Variants in PDCD7 observed in about 807,000 individuals in gnomAD.
PDCD7 encodes the protein programmed cell death 7.
In PDCD7, 40 loss-of-function variants were observed where a neutral mutation model predicts 42.1. The ratio of observed to expected loss-of-function variants is 0.95; its 90% CI spans 0.74 to 1.24. The LOEUF (loss-of-function observed/expected upper bound fraction) is 1.24, where lower values mean the gene tolerates loss of function less well. Among genes scored for constraint, PDCD7 ranks in the 50% most tolerant of loss-of-function variants. PDCD7 has a pLI of 0.00. For missense variants in PDCD7, 644 were observed against 662.8 expected (o/e 0.97, Z 0.31); for synonymous variants, 299 against 303.3 (o/e 0.99, Z 0.15).
chr15:65,129,201 G>A (rs756798934), intron 1 of PDCD7, 31 bp from the exon 2 acceptor site: 5 of 1,610,362 alleles, frequency 3.1e-6, no homozygotes, highest in East Asian at 2.2e-5. Context: ...ATGAGACCTC[G>A]TATTAGGAAC....
intron 1 of PDCD7, among the ~76,000 whole-genome samples, chr15:65,132,529 C>T (rs1268671700): frequency 1.3e-5 from 2 of 152,120 alleles, no homozygotes; most frequent in African/African-American, 4.8e-5. Context: ...GGATTACAGG[C>T]GTGGGCCACC....
rs767033871 is a variant in PDCD7 at position 65,119,364 on chromosome 15, A to T, written c.1334+12T>A. On this transcript the variant is annotated intron_variant, in intron 4 of 4. Coordinates refer to ENST00000204549, the MANE Select transcript of PDCD7 (RefSeq NM_005707.2). ...TAAGAGAAAGACAACATGGAGAGCC[A>T]GCCCCTCTGACCTGATCTGGATGAG... is the stretch of plus-strand genomic sequence containing the variant. 6.3e-7 allele frequency: 1 copy of T among 1,599,422 alleles called. No individual in the cohort carries two copies. Among genetic ancestry groups the T allele is most frequent in the African/African-American group, 1.3e-5 (1 of 74,630 alleles).
rs958256890 is a variant in PDCD7, at chr15:65,133,026, C to T, written c.756G>A (p.Arg252=). The change falls in exon 1 of 5, where the codon AGG becomes AGA. Residue 252 remains arginine, a synonymous_variant. Transcript: ENST00000204549. ...VRRRRLRLRE[R]AREREAEREA... ...CCCGCTCGGCCTCGCGTTCCCGGGCCCTCTCGCGAAGCCGCAGCCGGCGGC... is the reference window on the plus strand; with the variant it reads ...CCCGCTCGGCCTCGCGTTCCCGGGCTCTCTCGCGAAGCCGCAGCCGGCGGC... 1.9e-6 allele frequency: 3 copies of T among 1,598,892 alleles called. No individual in the cohort carries two copies. The highest frequency in any genetic ancestry group is 1.3e-5 in the African/African-American group (1 of 74,830).
rs2087428170 is a variant in PDCD7 at position 65,118,783 on chromosome 15, G to T, written c.1392C>A (p.Pro464=). ...GGAGCGGGGGAAGGACCCATCCTTG[G>T]GGAACGAAGTTGCCTTTGGGATGAT... ...PSDHPKGNFV[P]QGWVLPPLPS... is the part of the protein sequence containing the mutation. Residue 464 remains proline, a synonymous_variant, in exon 5 of 5, where the codon CCC becomes CCA. Coordinates refer to ENST00000204549, the MANE Select transcript of PDCD7 (RefSeq NM_005707.2). The T allele has an allele frequency of 6.2e-7, 1 of 1,610,738 alleles. No homozygotes were observed. The highest frequency in any genetic ancestry group is 1.7e-5 in the Admixed American group (1 of 59,572).
At chr15:65,120,185 ACT>A (rs2087442079) in intron 2 of PDCD7, among the ~76,000 whole-genome samples, 2 of 150,746 alleles carry the variant, frequency 1.3e-5, no homozygotes, top group Admixed American at 6.6e-5. Flanking sequence ...ATAGGGTCTC[ACT>A]CTGTTGTGCA....
intron 2 of PDCD7, among the ~76,000 whole-genome samples, chr15:65,121,836 G>C (rs907026467): frequency 6.6e-6 from 1 of 152,146 alleles, no homozygotes; most frequent in African/African-American, 2.4e-5. Context: ...TTGTGCATGT[G>C]TGAAATGTTT....
intron 2 of PDCD7, among the ~76,000 whole-genome samples, chr15:65,124,846 G>A (rs11855621): frequency 0.022 from 3,362 of 152,112 alleles, 56 homozygotes; most frequent in African/African-American, 0.041. Flanking sequence ...CAACAGCCCC[G>A]TGCTCTGTGC....
Position 65,133,604 on chromosome 15 carries a change from G to C in PDCD7, c.178C>G (p.Leu60Val). The C allele has an allele frequency of 8.1e-7, 1 of 1,239,940 alleles. No individual in the cohort carries two copies. Among genetic ancestry groups the C allele is most frequent in the African/African-American group, 1.5e-5 (1 of 64,554 alleles). The allele number at this position is 1,239,940 out of a possible 1,614,324, so 76.8% of individuals were successfully genotyped here. A position where few individuals can be genotyped will look rare whatever the true frequency, so the allele number is the denominator to read the frequency against. The change falls in exon 1 of 5, where the codon CTG becomes GTG. Residue 60 changes from leucine to valine, a missense_variant. Transcript: ENST00000204549. ...GCGGAGGCTCGGGGCTGCAGAGCCAGCGGAGGCTGAAGGAAGGGGGCGGAG... is the reference window on the plus strand; with the variant it reads ...GCGGAGGCTCGGGGCTGCAGAGCCACCGGAGGCTGAAGGAAGGGGGCGGAG... ...GASAPFLQPP[L>V]ALQPRASAEA...
chr15:65,133,345 C>T lies in PDCD7; in HGVS notation c.437G>A (p.Trp146Ter). ...AALQRLRDRQ[W>*]LEAVFGTPRR... ...CGGGGTCCCGAACACCGCCTCCAGC[C>T]ACTGCCGGTCGCGCAGGCGTTGGAG... The change falls in exon 1 of 5, where the codon TGG (tryptophan) becomes TAG (stop). Residue 146 changes from tryptophan to a stop codon, truncating the protein, a stop_gained. Transcript: ENST00000204549. LOFTEE classifies it high-confidence loss of function. 8.0e-7 allele frequency: 1 copy of T among 1,252,278 alleles called. No homozygotes were observed. The highest frequency in any genetic ancestry group is 1.0e-6 in the Non-Finnish European group (1 of 1,000,314). The allele number at this position is 1,252,278 out of a possible 1,614,324, so 77.6% of individuals were successfully genotyped here.
At chr15:65,122,484 C>T (rs56266725) in intron 2 of PDCD7, among the ~76,000 whole-genome samples, 2,054 of 152,222 alleles carry the variant, frequency 0.013, 39 homozygotes, top group Non-Finnish European at 0.018. Context: ...TATAGTTCAA[C>T]GTTACATGTA....
rs189584261 is a variant in PDCD7 at position 65,122,859 on chromosome 15, G to A, written c.1010-2905C>T. Among the ~76,000 whole-genome samples, 586 of 151,920 alleles carry A rather than the reference G, an allele frequency of 3.9e-3. 2 individuals carry two copies. The highest frequency in any genetic ancestry group is 9.9e-3 in the Admixed American group (151 of 15,254). On this transcript the variant is annotated intron_variant, in intron 2 of 4. Coordinates refer to ENST00000204549, the MANE Select transcript of PDCD7 (RefSeq NM_005707.2). The stretch of plus-strand genomic sequence containing the variant: ...TCTACTAAAAATACAAAAATTAGCC[G>A]GGCGTGGTGGCAGGTGCCTGTAATC...
intron 1 of PDCD7, among the ~76,000 whole-genome samples, chr15:65,131,982 A>G (rs773150459): frequency 6.6e-6 from 1 of 151,860 alleles, no homozygotes; most frequent in Non-Finnish European, 1.5e-5. Context: ...GCTGTTATAA[A>G]GATTCAAAAT....
Position 65,118,429 on chromosome 15 carries a change from C to G in PDCD7, c.*288G>C. On this transcript the variant is annotated 3_prime_UTR_variant, in exon 5 of 5. Transcript: ENST00000204549. ...AGTTAGAGTAAATTAACAAGTCACTCTGGACCAAGCCCCTCAAAACAGAGG... is the reference window on the plus strand; with the variant it reads ...AGTTAGAGTAAATTAACAAGTCACTGTGGACCAAGCCCCTCAAAACAGAGG... 3.5e-6 allele frequency: 1 copy of G among 284,706 alleles called. No individual in the cohort carries two copies. Among genetic ancestry groups the G allele is most frequent in the Non-Finnish European group, 6.5e-6 (1 of 154,138 alleles). 17.6% of individuals were successfully genotyped at this position (284,706 alleles called of 1,614,324 possible).
chr15:65,127,423 G>A (rs1437552156), intron 2 of PDCD7, among the ~76,000 whole-genome samples: 1 of 147,866 alleles, frequency 6.8e-6, no homozygotes, highest in African/African-American at 2.5e-5. Context: ...CGCCACTGCA[G>A]TCCGCAGTCC....
chr15:65,124,979 A>T (rs1378283186), intron 2 of PDCD7, among the ~76,000 whole-genome samples: 2 of 151,980 alleles, frequency 1.3e-5, no homozygotes, highest in Non-Finnish European at 2.9e-5. Flanking sequence ...GTTGGCTCTC[A>T]CCCATTCTTC....
At chr15:65,122,371 T>C (rs1385100125) in intron 2 of PDCD7, among the ~76,000 whole-genome samples, 3 of 151,534 alleles carry the variant, frequency 2.0e-5, no homozygotes, top group African/African-American at 7.3e-5. Flanking sequence ...GAATACCAGA[T>C]ACAAGAAAGA....
In PDCD7 at chr15:65,119,459, C is replaced by T. The variant is rs930375172; in HGVS notation, c.1251G>A (p.Glu417=). The T allele has an allele frequency of 6.8e-6, 11 of 1,611,338 alleles. No individual in the cohort carries two copies. The highest frequency in any genetic ancestry group is 9.3e-6 in the Non-Finnish European group (11 of 1,177,652). Residue 417 remains glutamate (E), a synonymous_variant, in exon 4 of 5, where the codon GAG becomes GAA. Coordinates refer to ENST00000204549, the MANE Select transcript of PDCD7 (RefSeq NM_005707.2). The stretch of plus-strand genomic sequence containing the variant: ...GCTCCAAGAGGTGAGCAAGTGGGAA[C>T]TCATCTGAAAGAGAAAAGCACAATA... ...IESKLFGDPD[E]FPLAHLLEPF...
rs549238978 is a variant in PDCD7 at position 65,117,464 on chromosome 15, A to T, written c.*1253T>A. The T allele has an allele frequency of 1.8e-4, 28 of 152,442 alleles. No individual in the cohort carries two copies. The highest frequency in any genetic ancestry group is 6.7e-4 in the African/African-American group (28 of 41,580). 9.4% of individuals were successfully genotyped at this position (152,442 alleles called of 1,614,324 possible). A position where few individuals can be genotyped will look rare whatever the true frequency, so the allele number is the denominator to read the frequency against. ...ACCAAACCAAAACAGAACCAAAAAA[A>T]TGACATGTTATATGAGTGATCATCT... On this transcript the variant is annotated 3_prime_UTR_variant, in exon 5 of 5. Transcript: ENST00000204549.
chr15:65,119,272 C>T, intron 4 of PDCD7, 104 bp downstream of exon 4: 1 of 698,240 alleles, frequency 1.4e-6, no homozygotes, highest in Non-Finnish European at 2.4e-6. Context: ...CCTTATGGAA[C>T]TTAAAAAAAA....
Sources: allele counts gnomAD v4.1 joint callset (sites outside exome capture counted in the v4.1 genomes callset), GRCh38; gene constraint gnomAD v4.1.1; transcripts MANE v1.5; gene names NCBI Gene and HGNC (gene_info 2026-07-23, HGNC 2026-07-21).